GABRA3: variants seen among roughly 807,000 people sequenced by gnomAD.
The protein encoded by GABRA3 is gamma-aminobutyric acid type A receptor subunit alpha3, also known as gamma-aminobutyric acid receptor subunit alpha-3.
A neutral mutation model predicts 30.1 loss-of-function variants in GABRA3; 10 were observed. That is an observed-to-expected ratio of 0.33 (90% CI 0.20 to 0.56). The LOEUF (loss-of-function observed/expected upper bound fraction) is 0.56, where lower values mean the gene tolerates loss of function less well. Ranked by LOEUF, GABRA3 falls within the 20% of genes least tolerant of loss-of-function variation. The pLI is 0.89. For synonymous variants in GABRA3, 151 were observed against 146.8 expected, an observed-to-expected ratio of 1.03 and a Z score of -0.21; for missense variants, 233 against 392.0, an observed-to-expected ratio of 0.59 and a Z score of 3.42.
chrX:152,166,363 G>A lies in GABRA3; in HGVS notation c.*1865C>T, dbSNP rs866312815. The A allele has an allele frequency of 3.4e-5, 2 of 58,773 alleles. No homozygotes were observed. Among genetic ancestry groups the A allele is most frequent in the African/African-American group, 1.3e-4 (2 of 15,856 alleles). The allele number at this position is 58,773 out of a possible 1,213,427, so 4.8% of individuals were successfully genotyped here. On this transcript the variant is annotated 3_prime_UTR_variant, in exon 10 of 10. Transcript: ENST00000370314. ...CCTTAAGACAACCATTAACAGCCCCGCCCTCCCACCCCCCATATCCCCACA... is the reference window on the plus strand; with the variant it reads ...CCTTAAGACAACCATTAACAGCCCCACCCTCCCACCCCCCATATCCCCACA...
intron 9 of GABRA3, among the ~76,000 whole-genome samples, chrX:152,179,525 C>G (rs997793549): frequency 3.9e-5 from 4 of 103,789 alleles, no homozygotes; most frequent in Non-Finnish European, 7.8e-5. Flanking sequence ...GATGGAGTCT[C>G]GCTCTGTCGC....
chrX:152,232,860 C>G (rs1320999914), intron 5 of GABRA3, among the ~76,000 whole-genome samples: 2 of 110,278 alleles, frequency 1.8e-5, no homozygotes, highest in African/African-American at 6.6e-5. Context: ...ACAAATGGAG[C>G]TACTATTTTT....
chrX:152,192,613 T>C (rs1365687668), intron 8 of GABRA3, among the ~76,000 whole-genome samples: 4 of 111,438 alleles, frequency 3.6e-5, no homozygotes, highest in Admixed American at 9.6e-5. Context: ...AGTTAAGCCC[T>C]AAAGATAAAA....
At chrX:152,219,859 A>G (rs1427795095) in intron 6 of GABRA3, among the ~76,000 whole-genome samples, 1 of 111,714 alleles carries the variant, frequency 9.0e-6, no homozygotes, top group Non-Finnish European at 1.9e-5. Flanking sequence ...AAACCCTGAG[A>G]GTGTTCTTCT....
intron 3 of GABRA3, among the ~76,000 whole-genome samples, chrX:152,341,546 T>C (rs1279723404): frequency 1.7e-5 from 1 of 59,593 alleles, no homozygotes; most frequent in East Asian, 4.9e-4. Flanking sequence ...ATCTATTGAC[T>C]TTTTTTTTTT....
intron 3 of GABRA3, among the ~76,000 whole-genome samples, chrX:152,306,699 G>C (rs1324464834): frequency 8.9e-6 from 1 of 112,022 alleles, no homozygotes; most frequent in Non-Finnish European, 1.9e-5. Context: ...CTTTGAGCCT[G>C]TTAGAAAAAA....
At chrX:152,181,664 C>A (rs1307422562) in intron 9 of GABRA3, among the ~76,000 whole-genome samples, 1 of 109,155 alleles carries the variant, frequency 9.2e-6, no homozygotes, top group East Asian at 2.9e-4. Flanking sequence ...CACTCTGGGG[C>A]CTGTTGTGGG....
At chrX:152,199,576 C>T (rs1257685533) in intron 7 of GABRA3, among the ~76,000 whole-genome samples, 2 of 110,731 alleles carry the variant, frequency 1.8e-5, no homozygotes, top group East Asian at 2.8e-4. Flanking sequence ...TGTTAAGTTG[C>T]ACAGTTTGTG....
chrX:152,220,568 T>A (rs777051767), intron 6 of GABRA3, among the ~76,000 whole-genome samples: 1 of 111,686 alleles, frequency 9.0e-6, no homozygotes, highest in South Asian at 3.7e-4. Flanking sequence ...GGAACTATAC[T>A]CAGGACTAGA....
In GABRA3 at chrX:152,207,967, C is replaced by A. The variant is rs73619391; in HGVS notation, c.778+34G>T. The A allele has an allele frequency of 4.2e-3, 4,996 of 1,177,485 alleles. 122 individuals carry two copies. In the African/African-American group the frequency reaches 0.077, roughly 18 times the overall value. ...AGTGACTGGCATGTGGTATAGGTTA[C>A]AGAAATGTTTGTTAAATAAAATAAG... On this transcript the variant is annotated intron_variant, in intron 7 of 9. Transcript: ENST00000370314.
chrX:152,406,556 T>G (rs2124526522), intron 1 of GABRA3, among the ~76,000 whole-genome samples: 1 of 93,857 alleles, frequency 1.1e-5, no homozygotes, highest in African/African-American at 4.0e-5. Flanking sequence ...TAAATATCTA[T>G]GCACCTAACA....
chrX:152,375,517 T>C (rs1453836591), intron 1 of GABRA3, among the ~76,000 whole-genome samples: 2 of 112,305 alleles, frequency 1.8e-5, no homozygotes, highest in Non-Finnish European at 3.8e-5. Flanking sequence ...GTTGATCCTT[T>C]CATTGTCACC....
intron 3 of GABRA3, among the ~76,000 whole-genome samples, chrX:152,334,893 T>C (rs970680985): frequency 1.8e-5 from 2 of 111,117 alleles, no homozygotes; most frequent in Non-Finnish European, 3.8e-5. Flanking sequence ...AACTCTATTC[T>C]AGATGTGTGC....
chrX:152,262,043 G>A (rs1241647444), intron 4 of GABRA3, among the ~76,000 whole-genome samples: 1 of 112,372 alleles, frequency 8.9e-6, no homozygotes, highest in Non-Finnish European at 1.9e-5. Flanking sequence ...AGCTGCCAAG[G>A]CTTGGGGCTT....
chrX:152,447,270 C>T (rs1338718188), intron 1 of GABRA3, among the ~76,000 whole-genome samples: 3 of 111,277 alleles, frequency 2.7e-5, no homozygotes, highest in African/African-American at 9.8e-5. Context: ...CTGCTCAAAG[C>T]CCTTTAATCA....
At chrX:152,285,818 T>C (rs1939282427) in intron 3 of GABRA3, among the ~76,000 whole-genome samples, 1 of 108,985 alleles carries the variant, frequency 9.2e-6, no homozygotes, top group African/African-American at 3.3e-5. Context: ...ATAAGAGCAC[T>C]AATCCCAATC....
intron 1 of GABRA3, among the ~76,000 whole-genome samples, chrX:152,428,451 T>G (rs1165021223): frequency 8.9e-6 from 1 of 112,325 alleles, no homozygotes; most frequent in Admixed American, 9.4e-5. Flanking sequence ...TAAACAGGAA[T>G]GTGCAATGTG....
intron 9 of GABRA3, among the ~76,000 whole-genome samples, chrX:152,169,179 G>A (rs1936973017): frequency 8.9e-6 from 1 of 112,475 alleles, no homozygotes; most frequent in Non-Finnish European, 1.9e-5. Context: ...CACATCTCCT[G>A]TGAGGAAGAG....
intron 3 of GABRA3, among the ~76,000 whole-genome samples, chrX:152,312,942 G>A (rs932730805): frequency 5.4e-5 from 6 of 111,251 alleles, no homozygotes; most frequent in Admixed American, 1.9e-4. Context: ...TAGCCATTCC[G>A]ACTGGTGTGA....
Sources: allele counts gnomAD v4.1 joint callset (sites outside exome capture counted in the v4.1 genomes callset), GRCh38; gene constraint gnomAD v4.1.1; transcripts MANE v1.5; gene names NCBI Gene and HGNC (gene_info 2026-07-23, HGNC 2026-07-21).